The following NKAIN3 variants were observed in gnomAD, a reference collection of about 807,000 sequenced individuals.
NKAIN3 encodes the protein sodium/potassium-transporting ATPase subunit beta-1-interacting protein 3.
A neutral mutation model predicts 30.2 loss-of-function variants in NKAIN3; 25 were observed. The observed-to-expected ratio is 0.83, with a 90% CI of 0.60 to 1.16. The LOEUF (loss-of-function observed/expected upper bound fraction) is 1.16. Among genes scored for constraint, NKAIN3 ranks in the 50% most tolerant of loss-of-function variants. NKAIN3 has a pLI of 0.00. For missense variants in NKAIN3, 225 were observed against 254.1 expected, an observed-to-expected ratio of 0.89 and a Z score of 0.78; for synonymous variants, 91 against 89.6, an observed-to-expected ratio of 1.02 and a Z score of -0.09.
chr8:62,605,559 A>G (rs369043347), intron 3 of NKAIN3, among the ~76,000 whole-genome samples: 2 of 152,046 alleles, frequency 1.3e-5, no homozygotes, highest in East Asian at 1.9e-4. Flanking sequence ...CAGGTTCCAC[A>G]TCCATGCATT....
At chr8:62,502,724 T>C (rs1807499240) in intron 1 of NKAIN3, among the ~76,000 whole-genome samples, 1 of 152,176 alleles carries the variant, frequency 6.6e-6, no homozygotes, top group African/African-American at 2.4e-5. Flanking sequence ...ATACCAGTTA[T>C]TTTCCTAGGC....
intron 1 of NKAIN3, among the ~76,000 whole-genome samples, chr8:62,289,591 T>C (rs7001806): frequency 0.062 from 9,464 of 152,182 alleles, 976 homozygotes; most frequent in African/African-American, 0.21. Context: ...TATTCTATTC[T>C]ATTGGTCTAT....
chr8:62,530,353 A>G (rs1808449836), intron 1 of NKAIN3, among the ~76,000 whole-genome samples: 1 of 152,162 alleles, frequency 6.6e-6, no homozygotes, highest in African/African-American at 2.4e-5. Flanking sequence ...GTAACTTTTA[A>G]AAGTTAGGTC....
intron 4 of NKAIN3, among the ~76,000 whole-genome samples, chr8:62,847,860 A>G (rs990515237): frequency 6.6e-6 from 1 of 152,030 alleles, no homozygotes; most frequent in Non-Finnish European, 1.5e-5. Flanking sequence ...TTTGTATACA[A>G]TGTAAGGAAA....
chr8:62,524,227 T>A (rs1345087581), intron 1 of NKAIN3, among the ~76,000 whole-genome samples: 1 of 148,924 alleles, frequency 6.7e-6, no homozygotes, highest in African/African-American at 2.4e-5. Flanking sequence ...CCCACCAAAA[T>A]ATATATATAT....
chr8:62,576,450 C>T (rs1449954016), intron 1 of NKAIN3, among the ~76,000 whole-genome samples: 4 of 152,086 alleles, frequency 2.6e-5, no homozygotes, highest in Admixed American at 1.3e-4. Context: ...CTGCAGAGAT[C>T]CTCTTTCAGT....
intron 3 of NKAIN3, among the ~76,000 whole-genome samples, chr8:62,670,879 GCACACACACACACACACA>G (rs57917158): frequency 4.9e-5 from 7 of 142,088 alleles, no homozygotes; most frequent in Non-Finnish European, 9.2e-5. Context: ...ACACATACAA[GCACACACACACACACACA>G]CACACACACA....
chr8:62,757,655 C>T (rs546392866), intron 4 of NKAIN3, among the ~76,000 whole-genome samples: 1 of 152,114 alleles, frequency 6.6e-6, no homozygotes, highest in Non-Finnish European at 1.5e-5. Context: ...CCATCTAAGG[C>T]GTTCACTCTT....
chr8:62,370,098 T>G (rs937400784), intron 1 of NKAIN3, among the ~76,000 whole-genome samples: 4 of 152,008 alleles, frequency 2.6e-5, no homozygotes, highest in African/African-American at 9.7e-5. Context: ...TATTTAAATG[T>G]TTATAAAAGT....
intron 4 of NKAIN3, among the ~76,000 whole-genome samples, chr8:62,898,580 T>C (rs1431994280): frequency 6.6e-6 from 1 of 151,992 alleles, no homozygotes; most frequent in Non-Finnish European, 1.5e-5. Context: ...GGAAAGAGGA[T>C]AAGGTGATTT....
At chr8:62,307,357 C>T (rs1301380020) in intron 1 of NKAIN3, among the ~76,000 whole-genome samples, 1 of 149,212 alleles carries the variant, frequency 6.7e-6, no homozygotes, top group Admixed American at 6.6e-5. Flanking sequence ...CTTCTTTCCT[C>T]TCTCCCTCCT....
chr8:62,790,055 A>T, intron 4 of NKAIN3, among the ~76,000 whole-genome samples: 1 of 152,152 alleles, frequency 6.6e-6, no homozygotes, highest in East Asian at 1.9e-4. Flanking sequence ...TTGATGCAAA[A>T]ATCCTCAATA....
intron 1 of NKAIN3, among the ~76,000 whole-genome samples, chr8:62,279,477 G>T (rs1813094127): frequency 6.6e-6 from 1 of 152,178 alleles, no homozygotes; most frequent in Non-Finnish European, 1.5e-5. Flanking sequence ...GTATTGCCTA[G>T]GCTTTCTTCT....
intron 4 of NKAIN3, among the ~76,000 whole-genome samples, chr8:62,893,344 G>C (rs963077197): frequency 6.6e-6 from 1 of 152,148 alleles, no homozygotes; most frequent in African/African-American, 2.4e-5. Context: ...GTGGACTGCT[G>C]ATATACAGAA....
intron 1 of NKAIN3, among the ~76,000 whole-genome samples, chr8:62,535,470 C>G (rs1169592567): frequency 6.6e-6 from 1 of 152,128 alleles, no homozygotes; most frequent in Non-Finnish European, 1.5e-5. Flanking sequence ...ACCCCGCTAC[C>G]AGTCCCAAGT....
intron 1 of NKAIN3, among the ~76,000 whole-genome samples, chr8:62,503,417 G>A (rs900389286): frequency 6.6e-6 from 1 of 152,166 alleles, no homozygotes; most frequent in African/African-American, 2.4e-5. Context: ...CTCCTGATAA[G>A]GGTCTATGTT....
chr8:62,948,019 T>C (rs895432878), intron 5 of NKAIN3, among the ~76,000 whole-genome samples: 2 of 152,178 alleles, frequency 1.3e-5, no homozygotes, highest in African/African-American at 4.8e-5. Context: ...AATAGATAAC[T>C]AGAGCAAGCA....
intron 1 of NKAIN3, among the ~76,000 whole-genome samples, chr8:62,356,010 A>G (rs972056739): frequency 6.6e-6 from 1 of 152,206 alleles, no homozygotes; most frequent in Non-Finnish European, 1.5e-5. Flanking sequence ...AGTAACTTCC[A>G]ACGGTGGCAG....
intron 1 of NKAIN3, among the ~76,000 whole-genome samples, chr8:62,537,895 G>A (rs1054584895): frequency 5.3e-5 from 8 of 152,050 alleles, no homozygotes; most frequent in Non-Finnish European, 8.8e-5. Context: ...ATCTGGTGCA[G>A]GAGAATATTT....
Sources: gnomAD v4.1 joint callset for allele counts (sites outside exome capture counted in the v4.1 genomes callset) on GRCh38, gnomAD v4.1.1 for gene constraint, MANE v1.5 for transcripts, NCBI Gene and HGNC (gene_info 2026-07-23, HGNC 2026-07-21) for gene names.